PAWR: variants seen among roughly 807,000 people sequenced by gnomAD.
PAWR encodes the protein PRKC apoptosis WT1 regulator protein.
In PAWR, 23 loss-of-function variants were observed where a neutral mutation model predicts 32.0. That is an observed-to-expected ratio of 0.72 (90% CI 0.52 to 1.02). The LOEUF is 1.02. Among genes scored for constraint, PAWR ranks in the 50% least tolerant of loss-of-function variants. PAWR has a pLI of 0.00. For synonymous variants in PAWR, 226 were observed against 187.1 expected, an observed-to-expected ratio of 1.21 and a Z score of -1.70; for missense variants, 457 against 437.7, an observed-to-expected ratio of 1.04 and a Z score of -0.39.
At chr12:79,627,364 G>GT (rs1875386100) in intron 2 of PAWR, among the ~76,000 whole-genome samples, 1 of 152,174 alleles carries the variant, frequency 6.6e-6, no homozygotes. Flanking sequence ...TTTTTCATGT[G>GT]TTTTTTGGCT....
chr12:79,626,924 A>C (rs1347347346), intron 2 of PAWR, among the ~76,000 whole-genome samples: 2 of 151,980 alleles, frequency 1.3e-5, no homozygotes, highest in Non-Finnish European at 2.9e-5. Flanking sequence ...TGAACTCATC[A>C]TTTTTTACGG....
At chr12:79,605,653 G>C (rs1039737035) in intron 4 of PAWR, among the ~76,000 whole-genome samples, 1 of 151,880 alleles carries the variant, frequency 6.6e-6, no homozygotes, top group East Asian at 1.9e-4. Context: ...ATTTCATATA[G>C]GCAAAAAGTG....
chr12:79,592,641 G>T lies in PAWR; in HGVS notation c.989C>A (p.Thr330Asn). ...ENEQLKQENK[T>N]LLKVVGQLTR ...CAGCTGACCCACAACTTTCAAAAGA[G>T]TTTTATTTTCCTGCTTTAGCTGTTC... Residue 330 changes from threonine (T) to asparagine (N), a missense_variant, in exon 7 of 7, where the codon ACT becomes AAT. Transcript: ENST00000328827. 1 of 767,592 alleles carries T rather than the reference G, an allele frequency of 1.3e-6. No homozygotes were observed. The allele number at this position is 767,592 out of a possible 1,614,324, so 47.5% of individuals were successfully genotyped here.
chr12:79,689,827 A>C lies in PAWR; in HGVS notation c.418T>G (p.Ser140Ala). 1 of 1,592,240 alleles carries C rather than the reference A, an allele frequency of 6.3e-7. No individual in the cohort carries two copies. Among genetic ancestry groups the C allele is most frequent in the South Asian group, 1.1e-5 (1 of 87,670 alleles). ...PDGVPEKGKS[S>A]GPSARKGKGQ... ...TTGCCTTTCCTGGCACTGGGGCCCG[A>C]GCTCTTGCCCTTCTCTGGGACGCCG... The change falls in exon 2 of 7, where the codon TCG becomes GCG. Residue 140 changes from serine (S) to alanine (A), a missense_variant. By Grantham distance (99) the Ser-to-Ala change is moderately conservative (BLOSUM62 1). Transcript: ENST00000328827.
Position 79,585,618 on chromosome 12 carries a change from G to C in PAWR, c.*6989C>G, listed in dbSNP as rs546498254. The C allele has an allele frequency of 6.6e-6, 1 of 152,560 alleles. No homozygotes were observed. Among genetic ancestry groups the C allele is most frequent in the African/African-American group, 2.4e-5 (1 of 41,546 alleles). 9.5% of individuals were successfully genotyped at this position (152,560 alleles called of 1,614,324 possible). ...ACACAGCCTGGCACATACGGCTACT[G>C]AATTACTAATGAATGTTATTATGCT... On this transcript the variant is annotated 3_prime_UTR_variant, in exon 7 of 7. Transcript: ENST00000328827.
chr12:79,673,316 G>A (rs1028874306), intron 2 of PAWR, among the ~76,000 whole-genome samples: 1 of 152,062 alleles, frequency 6.6e-6, no homozygotes, highest in African/African-American at 2.4e-5. Context: ...TGATCTGCCC[G>A]CCTCAGCCTC....
At chr12:79,596,866 T>C (rs1873780354) in intron 4 of PAWR, 1 of 478,746 alleles carries the variant, frequency 2.1e-6, no homozygotes, top group Non-Finnish European at 3.6e-6. Context: ...CAATATCTAC[T>C]GAATAGGTGT....
intron 3 of PAWR, among the ~76,000 whole-genome samples, chr12:79,616,289 T>G (rs1382330708): frequency 2.0e-5 from 3 of 152,110 alleles, no homozygotes; most frequent in African/African-American, 7.2e-5. Context: ...TTGGTTATAT[T>G]TGAAATATCT....
intron 2 of PAWR, among the ~76,000 whole-genome samples, chr12:79,641,634 A>T (rs1013779676): frequency 6.6e-6 from 1 of 151,928 alleles, no homozygotes; most frequent in Non-Finnish European, 1.5e-5. Context: ...GGATCACGAG[A>T]TCAGGAGATC....
At chr12:79,621,353 T>C (rs1398864524) in intron 2 of PAWR, 146 bp from the exon 3 acceptor site, 13 of 623,784 alleles carry the variant, frequency 2.1e-5, no homozygotes, top group East Asian at 9.1e-5. Flanking sequence ...TTCAGCAATA[T>C]GTACATTTAA....
chr12:79,620,205 T>A (rs1334416477), intron 3 of PAWR, among the ~76,000 whole-genome samples: 1 of 152,198 alleles, frequency 6.6e-6, no homozygotes, highest in Non-Finnish European at 1.5e-5. Flanking sequence ...ATTTCTCTAA[T>A]ATATAACTGA....
chr12:79,683,920 T>A (rs1032763919), intron 2 of PAWR, among the ~76,000 whole-genome samples: 1 of 152,196 alleles, frequency 6.6e-6, no homozygotes. Flanking sequence ...TCATTTTCTC[T>A]GTAAAGTGGG....
At chr12:79,613,646 T>C (rs748775323) in intron 3 of PAWR, 37 bp from the exon 4 acceptor site, 10 of 1,189,690 alleles carry the variant, frequency 8.4e-6, no homozygotes, top group Non-Finnish European at 9.9e-6. Context: ...AGTTTGAGTA[T>C]GTATGTACAC....
intron 2 of PAWR, among the ~76,000 whole-genome samples, chr12:79,681,689 C>T (rs1180593498): frequency 1.3e-5 from 2 of 152,036 alleles, no homozygotes; most frequent in African/African-American, 4.8e-5. Flanking sequence ...ACAGTGAACA[C>T]ACTGCCTTTT....
chr12:79,667,406 A>G (rs1431191330), intron 2 of PAWR, among the ~76,000 whole-genome samples: 1 of 152,226 alleles, frequency 6.6e-6, no homozygotes, highest in Non-Finnish European at 1.5e-5. Context: ...TTACCAAATT[A>G]TAGGAAATAG....
intron 4 of PAWR, among the ~76,000 whole-genome samples, chr12:79,608,406 A>G (rs1301670025): frequency 6.6e-6 from 1 of 152,148 alleles, no homozygotes; most frequent in African/African-American, 2.4e-5. Context: ...TCGCATGAAC[A>G]GTTCACAATA....
intron 2 of PAWR, among the ~76,000 whole-genome samples, chr12:79,631,494 T>C (rs781616030): frequency 2.0e-5 from 3 of 152,150 alleles, no homozygotes; most frequent in Non-Finnish European, 2.9e-5. Context: ...CAAAAATCAA[T>C]TGTATTTTTA....
In PAWR at chr12:79,585,079, G is replaced by C; in HGVS notation, c.*7528C>G. ...TACTAAATTAATGGGGGTTATGTCA[G>C]GATGCCAATGTCCATGCTGAGGCTT... On this transcript the variant is annotated 3_prime_UTR_variant, in exon 7 of 7. Coordinates refer to ENST00000328827, the MANE Select transcript of PAWR (RefSeq NM_002583.4). 2.4e-6 allele frequency: 1 copy of C among 421,056 alleles called. No homozygotes were observed. The highest frequency in any genetic ancestry group is 4.6e-6 in the Non-Finnish European group (1 of 215,636). 26.1% of individuals were successfully genotyped at this position (421,056 alleles called of 1,614,324 possible). A position where few individuals can be genotyped will look rare whatever the true frequency, so the allele number is the denominator to read the frequency against.
At chr12:79,655,172 T>G (rs1198522633) in intron 2 of PAWR, among the ~76,000 whole-genome samples, 1 of 152,114 alleles carries the variant, frequency 6.6e-6, no homozygotes, top group African/African-American at 2.4e-5. Context: ...TTTAAACAAA[T>G]CCCAGTCTCT....
Sources: allele counts gnomAD v4.1 joint callset (sites outside exome capture counted in the v4.1 genomes callset), GRCh38; gene constraint gnomAD v4.1.1; transcripts MANE v1.5; gene names NCBI Gene and HGNC (gene_info 2026-07-23, HGNC 2026-07-21).